The following HERC2 variants were observed in gnomAD, a reference collection of about 807,000 sequenced individuals.
HERC2 encodes HECT and RLD domain containing E3 ubiquitin protein ligase 2.
In HERC2, 102 loss-of-function variants were observed where a neutral mutation model predicts 537.7. The observed-to-expected ratio is 0.19, with a 90% CI of 0.16 to 0.22. HERC2 has a LOEUF of 0.22. Among genes scored for constraint, HERC2 ranks in the 10% least tolerant of loss-of-function variants. The pLI is 1.00. For synonymous variants in HERC2, 2,224 were observed against 2,466.2 expected, an observed-to-expected ratio of 0.90 and a Z score of 2.91; for missense variants, 4,236 against 6,198.2, an observed-to-expected ratio of 0.68 and a Z score of 10.63.
At chr15:28,300,271 C>G (rs886087397) in intron 2 of HERC2, among the ~76,000 whole-genome samples, 2 of 150,178 alleles carry the variant, frequency 1.3e-5, no homozygotes, top group African/African-American at 5.0e-5. Flanking sequence ...GACTTTCATC[C>G]TCAAAAATTA....
intron 2 of HERC2, among the ~76,000 whole-genome samples, chr15:28,305,254 T>C (rs2076753412): frequency 6.6e-6 from 1 of 151,784 alleles, no homozygotes; most frequent in Non-Finnish European, 1.5e-5. Flanking sequence ...CTGGGTCAAA[T>C]GGTATTTCTA....
At chr15:28,156,221 G>A (rs865832326) in intron 69 of HERC2, among the ~76,000 whole-genome samples, 13 of 152,250 alleles carry the variant, frequency 8.5e-5, no homozygotes, top group Middle Eastern at 6.8e-3. Context: ...TGTTCTTTTG[G>A]CTTAGGATTG....
At chr15:28,311,739 A>C (rs1193094058) in intron 2 of HERC2, among the ~76,000 whole-genome samples, 1 of 152,012 alleles carries the variant, frequency 6.6e-6, no homozygotes, top group Non-Finnish European at 1.5e-5. Context: ...AGATGCCAAC[A>C]CCCAAGCAGA....
In HERC2 at chr15:28,269,355, C is replaced by G. The variant is rs1452715648; in HGVS notation, c.1339G>C (p.Gly447Arg). The G allele has an allele frequency of 6.2e-7, 1 of 1,614,172 alleles. No homozygotes were observed. The highest frequency in any genetic ancestry group is 2.2e-5 in the East Asian group (1 of 44,868). ...TGTGTGACTCCCAGGTTGGCCAGGCCTTCGCACTGGATTGGACCAATCACA... is the reference window on the plus strand; with the variant it reads ...TGTGTGACTCCCAGGTTGGCCAGGCGTTCGCACTGGATTGGACCAATCACA... Reference protein sequence around the residue: ...ANVIGPIQCEGLANLGVTQIA... With the variant: ...ANVIGPIQCERLANLGVTQIA... Residue 447 changes from glycine (G) to arginine (R), a missense_variant, in exon 11 of 93, where the codon GGC becomes CGC. Physicochemically the swap from Gly to Arg is moderately radical, Grantham distance 125. This residue lies in a region of HERC2 where 491 missense variants were observed against 559.3 expected (regional missense o/e 0.88). Coordinates refer to ENST00000261609, the MANE Select transcript of HERC2 (RefSeq NM_004667.6).
chr15:28,123,979 G>T, intron 85 of HERC2, 58 bp downstream of exon 85: 1 of 1,355,266 alleles, frequency 7.4e-7, no homozygotes, highest in Non-Finnish European at 1.0e-6. Flanking sequence ...GAATTCTATT[G>T]GGTTACATGT....
At chr15:28,152,272 T>C (rs1281169703) in intron 70 of HERC2, among the ~76,000 whole-genome samples, 6 of 152,362 alleles carry the variant, frequency 3.9e-5, no homozygotes, top group Middle Eastern at 3.4e-3. Context: ...TAATAATTTT[T>C]GTTGAGTTGT....
At chr15:28,277,981 C>T (rs2075920799) in intron 5 of HERC2, among the ~76,000 whole-genome samples, 1 of 151,946 alleles carries the variant, frequency 6.6e-6, no homozygotes, top group South Asian at 2.1e-4. Flanking sequence ...CTCAGCCAGG[C>T]ACAGTGGCTC....
intron 79 of HERC2, among the ~76,000 whole-genome samples, chr15:28,133,361 T>C (rs537064481): frequency 3.0e-4 from 45 of 152,332 alleles, no homozygotes; most frequent in African/African-American, 1.1e-3. Context: ...TATCAGACCT[T>C]AGTCAGATTA....
chr15:28,147,733 T>C (rs1260477565), intron 70 of HERC2, among the ~76,000 whole-genome samples: 1 of 151,928 alleles, frequency 6.6e-6, no homozygotes, highest in African/African-American at 2.4e-5. Flanking sequence ...AAAAAGTTAT[T>C]GTTAGAAAAA....
intron 35 of HERC2, among the ~76,000 whole-genome samples, chr15:28,225,289 GAA>G (rs1340031578): frequency 6.6e-6 from 1 of 151,924 alleles, no homozygotes; most frequent in East Asian, 1.9e-4. Flanking sequence ...AAAGCAGAAA[GAA>G]GGAAACGATA....
At chr15:28,305,273 T>A (rs927697993) in intron 2 of HERC2, among the ~76,000 whole-genome samples, 1 of 151,980 alleles carries the variant, frequency 6.6e-6, no homozygotes, top group African/African-American at 2.4e-5. Context: ...TAGTTCTAGA[T>A]CCCTGAGGAA....
chr15:28,306,666 T>C (rs562589818), intron 2 of HERC2, among the ~76,000 whole-genome samples: 5 of 152,350 alleles, frequency 3.3e-5, no homozygotes, highest in Non-Finnish European at 7.4e-5. Context: ...CTTTAAATGT[T>C]TGGTAAAATT....
chr15:28,134,381 G>A (rs944341420), intron 79 of HERC2, among the ~76,000 whole-genome samples: 3 of 152,102 alleles, frequency 2.0e-5, no homozygotes, highest in African/African-American at 7.2e-5. Context: ...ATACCACCAG[G>A]TTCTCTGCAT....
At chr15:28,145,443 A>C (rs9989342) in intron 71 of HERC2, among the ~76,000 whole-genome samples, 11,592 of 152,280 alleles carry the variant, frequency 0.076, 1,521 homozygotes, top group African/African-American at 0.27. Flanking sequence ...CACTGGATGC[A>C]GAAAAACTCA....
chr15:28,284,253 A>G (rs2076096565), intron 4 of HERC2, among the ~76,000 whole-genome samples: 1 of 152,216 alleles, frequency 6.6e-6, no homozygotes, highest in Non-Finnish European at 1.5e-5. Flanking sequence ...ACAAAAAGAT[A>G]CACTCTAAAA....
At chr15:28,220,139 G>A (rs376770051) in intron 37 of HERC2, among the ~76,000 whole-genome samples, 14 of 152,276 alleles carry the variant, frequency 9.2e-5, no homozygotes, top group African/African-American at 2.6e-4. Context: ...CAGGCTCAGC[G>A]CCAACCACAT....
In HERC2 at chr15:28,142,336, T is replaced by C; in HGVS notation, c.11602A>G (p.Thr3868Ala). 5 of 1,614,050 alleles carry C rather than the reference T, an allele frequency of 3.1e-6. No homozygotes were observed. The Middle Eastern group carries it at 4.9e-4, about 159-fold the overall frequency. Residue 3868 changes from threonine (T) to alanine (A), a missense_variant, in exon 76 of 93, where the codon ACG (threonine) becomes GCG (alanine). Thr to Ala is a moderately conservative substitution (Grantham distance 58). Coordinates refer to ENST00000261609, the MANE Select transcript of HERC2 (RefSeq NM_004667.6). ...ELDTLPCCAE[T>A]HKWAWFRRYC... ...CTCCGGAACCAGGCCCACTTGTGCGTCTCGGCACAGCAAGGCAGAGTGTCC... is the reference window on the plus strand; with the variant it reads ...CTCCGGAACCAGGCCCACTTGTGCGCCTCGGCACAGCAAGGCAGAGTGTCC...
chr15:28,130,693 A>C (rs1890018489), intron 81 of HERC2, 99 bp from the exon 82 acceptor site: 2 of 873,026 alleles, frequency 2.3e-6, no homozygotes, highest in South Asian at 2.7e-5. Flanking sequence ...AGAATTCTGA[A>C]AACTTGTACC....
intron 15 of HERC2, among the ~76,000 whole-genome samples, chr15:28,262,563 T>C (rs112945646): frequency 0.019 from 2,956 of 152,316 alleles, 93 homozygotes; most frequent in African/African-American, 0.068. Context: ...TGCACACTCA[T>C]GGTCTCAGTG....
Sources: allele counts gnomAD v4.1 joint callset (sites outside exome capture counted in the v4.1 genomes callset), GRCh38; gene constraint gnomAD v4.1.1; regional missense constraint gnomAD v4.1.1; transcripts MANE v1.5; gene names NCBI Gene and HGNC (gene_info 2026-07-23, HGNC 2026-07-21).